Variants in MFSD2B observed in about 807,000 individuals in gnomAD.
MFSD2B encodes the protein sphingosine-1-phosphate transporter MFSD2B.
A neutral mutation model predicts 58.4 loss-of-function variants in MFSD2B; 56 were observed. That is an observed-to-expected ratio of 0.96 (90% CI 0.77 to 1.20). The LOEUF is 1.20. Ranked by LOEUF, MFSD2B falls within the 50% of genes most tolerant of loss-of-function variation. The pLI is 0.00. For missense variants in MFSD2B, 645 were observed against 667.6 expected, an observed-to-expected ratio of 0.97 and a Z score of 0.37; for synonymous variants, 287 against 294.4, an observed-to-expected ratio of 0.97 and a Z score of 0.26.
rs570226594 is a variant in MFSD2B at position 24,017,202 on chromosome 2, G to A, written c.472-84G>A. On this transcript the variant is annotated intron_variant, in intron 4 of 13. Transcript: ENST00000338315. The surrounding 1 kb of genome is among the most constrained non-coding windows in gnomAD (Gnocchi z 4.8). ...TATGTCACGTTGGCCTGTGGGTGTC[G>A]GGATGTGACACCCAGGATGGGGGAG... 1.9e-5 allele frequency: 27 copies of A among 1,406,134 alleles called. No individual in the cohort carries two copies. Among genetic ancestry groups the A allele is most frequent in the African/African-American group, 1.6e-4 (11 of 70,418 alleles). The allele number at this position is 1,406,134 out of a possible 1,614,324, so 87.1% of individuals were successfully genotyped here.
rs111365683 is a variant in MFSD2B at position 24,019,736 on chromosome 2, T to G, written c.682-1912T>G. Among the ~76,000 whole-genome samples the G allele has an allele frequency of 1.7e-3, 253 of 152,072 alleles. 2 individuals are homozygous for G. Among genetic ancestry groups the G allele is most frequent in the African/African-American group, 5.9e-3 (243 of 41,478 alleles). On this transcript the variant is annotated intron_variant, in intron 6 of 13. Transcript: ENST00000338315. ...GCCTATGTACTCTGCAAAATGAAAA[T>G]GAAGGGCCTTGGAAAGTCAATCTCC...
At chr2:24,016,617 C>T (rs1286116898) in intron 3 of MFSD2B, among the ~76,000 whole-genome samples, 3 of 152,182 alleles carry the variant, frequency 2.0e-5, no homozygotes. Flanking sequence ...GGGAAGGGCA[C>T]CAGCAGCGCT....
rs1709175082 is a variant in MFSD2B, at chr2:24,017,053, G to T, written c.471+85G>T. 1 of 1,530,778 alleles carries T rather than the reference G, an allele frequency of 6.5e-7. No homozygotes were observed. The highest frequency in any genetic ancestry group is 8.8e-7 in the Non-Finnish European group (1 of 1,135,112). 94.8% of individuals were successfully genotyped at this position (1,530,778 alleles called of 1,614,324 possible). A position where few individuals can be genotyped will look rare whatever the true frequency, so the allele number is the denominator to read the frequency against. ...CTCTGAAGTGTGCTGTGGGGGCAGG[G>T]CTGCCGCCCTCCCCACCCGCCTGTG... is the stretch of plus-strand genomic sequence containing the variant. On this transcript the variant is annotated intron_variant, in intron 4 of 13. Transcript: ENST00000338315. The surrounding 1 kb of genome is among the most constrained non-coding windows in gnomAD (Gnocchi z 4.8).
Position 24,017,562 on chromosome 2 carries a change from G to C in MFSD2B, c.655G>C (p.Gly219Arg). 6.4e-7 allele frequency: 1 copy of C among 1,562,566 alleles called. No homozygotes were observed. The highest frequency in any genetic ancestry group is 8.7e-7 in the Non-Finnish European group (1 of 1,153,704). ...PHRCEATATP[G>R]PVTVSPNAAH... ...CAGGTGCGAGGCCACTGCGACCCCG[G>C]GGCCAGTCACTGTCTCCCCGAATGC... The change falls in exon 6 of 14, where the codon GGG (glycine) becomes CGG (arginine). Residue 219 changes from glycine to arginine, a missense_variant. By Grantham distance (125) the Gly-to-Arg change is moderately radical. Coordinates refer to ENST00000338315, the MANE Select transcript of MFSD2B (RefSeq NM_001346880.2). The surrounding 1 kb of genome is among the most constrained non-coding windows in gnomAD (Gnocchi z 4.8).
chr2:24,025,764 T>C lies in MFSD2B; in HGVS notation c.*308T>C, dbSNP rs528386389. 4.8e-5 allele frequency: 16 copies of C among 333,316 alleles called. No individual in the cohort carries two copies. The allele number at this position is 333,316 out of a possible 1,614,324, so 20.6% of individuals were successfully genotyped here. A position where few individuals can be genotyped will look rare whatever the true frequency, so the allele number is the denominator to read the frequency against. On this transcript the variant is annotated 3_prime_UTR_variant, in exon 14 of 14. Coordinates refer to ENST00000338315, the MANE Select transcript of MFSD2B (RefSeq NM_001346880.2). ...TTGTGGACCAGTAATATCTGTGGCC[T>C]ACCACCCATTCAAGAAAACGTTACA...
Position 24,017,298 on chromosome 2 carries a change from C to G in MFSD2B, c.484C>G (p.Pro162Ala), listed in dbSNP as rs576242141. Residue 162 changes from proline (P) to alanine (A), a missense_variant, in exon 5 of 14, where the codon CCC becomes GCC. Physicochemically the swap from Pro to Ala is conservative, Grantham distance 27 (BLOSUM62 -1). Transcript: ENST00000338315. This position sits in a 1 kb window ranked among gnomAD's most constrained non-coding sequence, Gnocchi z 4.8. ...FQALATFFQVPYTALTMLLTP... is the reference protein window; with the variant it reads ...FQALATFFQVAYTALTMLLTP... ...GCCGACGCCCCAGTTCTTCCAGGTG[C>G]CCTACACAGCGCTCACCATGCTGCT... 5.6e-6 allele frequency: 9 copies of G among 1,602,276 alleles called. No homozygotes were observed. In the East Asian group the frequency reaches 2.0e-4, roughly 36 times the overall value.
At chr2:24,016,757 G>C in intron 3 of MFSD2B, 88 bp from the exon 4 acceptor site, 1 of 1,521,778 alleles carries the variant, frequency 6.6e-7, no homozygotes, top group Non-Finnish European at 8.8e-7. Flanking sequence ...TCAAGGGGCA[G>C]AGAAGGGGTG....
rs772480061 is a variant in MFSD2B, at chr2:24,023,733, C to T, written c.1313+7C>T. ...TCTCCACCCTCAGTCTGGAGTGAGT[C>T]CCAGGGTTAGGATACAGCAGAGGCA... On this transcript the variant is annotated splice_region_variant and intron_variant, in intron 12 of 13. Transcript: ENST00000338315. This position sits in a 1 kb window ranked among gnomAD's most constrained non-coding sequence, Gnocchi z 5.0. 1.2e-6 allele frequency: 2 copies of T among 1,613,422 alleles called. No homozygotes were observed. Among genetic ancestry groups the T allele is most frequent in the African/African-American group, 2.7e-5 (2 of 75,038 alleles).
At position 24,023,487 on chromosome 2, in the gene MFSD2B, T is replaced by G. The variant is rs576424255; in HGVS notation, c.1170-96T>G. On this transcript the variant is annotated intron_variant, in intron 11 of 13. Coordinates refer to ENST00000338315, the MANE Select transcript of MFSD2B (RefSeq NM_001346880.2). This position sits in a 1 kb window ranked among gnomAD's most constrained non-coding sequence, Gnocchi z 5.0. ...GCCAGTCTGGTCCTGGGCACAGAAC[T>G]CAGGGATGAATCCACTTTGGCCTCC... The G allele has an allele frequency of 2.1e-6, 3 of 1,424,000 alleles. No individual in the cohort carries two copies. Among genetic ancestry groups the G allele is most frequent in the South Asian group, 2.7e-5 (2 of 74,818 alleles). 88.2% of individuals were successfully genotyped at this position (1,424,000 alleles called of 1,614,324 possible).
Position 24,024,335 on chromosome 2 carries a change from C to T in MFSD2B, c.1490+64C>T. 6.8e-7 allele frequency: 1 copy of T among 1,476,152 alleles called. No homozygotes were observed. Among genetic ancestry groups the T allele is most frequent in the Non-Finnish European group, 9.2e-7 (1 of 1,092,694 alleles). The allele number at this position is 1,476,152 out of a possible 1,614,324, so 91.4% of individuals were successfully genotyped here. ...TGTGGGCTGCTGGGGGAATGACTAA[C>T]ACCAGCCTGCAGACATCCCTGCTGT... On this transcript the variant is annotated intron_variant, in intron 13 of 13. Transcript: ENST00000338315. This position sits in a 1 kb window ranked among gnomAD's most constrained non-coding sequence, Gnocchi z 4.3.
chr2:24,013,521 C>A, intron 2 of MFSD2B, 111 bp downstream of exon 2: 3 of 1,176,426 alleles, frequency 2.6e-6, no homozygotes, highest in Admixed American at 2.8e-5. Flanking sequence ...ACTTCTGACA[C>A]GAGCTCAACA....
At chr2:24,015,724 AAC>A (rs1327626757) in intron 2 of MFSD2B, among the ~76,000 whole-genome samples, 1 of 152,226 alleles carries the variant, frequency 6.6e-6, no homozygotes, top group South Asian at 2.1e-4. Flanking sequence ...TCCATTGTGA[AAC>A]ACAGTGTCCA....
rs1175103780 is a variant in MFSD2B at position 24,012,033 on chromosome 2, T to A, written c.97-1252T>A. On this transcript the variant is annotated intron_variant, in intron 1 of 13. Transcript: ENST00000338315. This position sits in a 1 kb window ranked among gnomAD's most constrained non-coding sequence, Gnocchi z 4.5. ...TGAAGGAGAGCTATTTGAGGTGAGG[T>A]GGGTAGGGGGCCGACTGGGTGGACT... Among the ~76,000 whole-genome samples, 3 of 151,680 alleles carry A rather than the reference T, an allele frequency of 2.0e-5. No homozygotes were observed. In the East Asian group the frequency reaches 5.8e-4, roughly 29 times the overall value.
rs750014041 is a variant in MFSD2B, at chr2:24,023,127, C to CAA, written c.1060-2_1060-1insAA. 7.1e-5 allele frequency: 115 copies of CAA among 1,610,254 alleles called. No homozygotes were observed. Among genetic ancestry groups the CAA allele is most frequent in the Non-Finnish European group, 9.5e-5 (112 of 1,178,758 alleles). On this transcript the variant is annotated splice_region_variant and splice_polypyrimidine_tract_variant and intron_variant, in intron 10 of 13. Coordinates refer to ENST00000338315, the MANE Select transcript of MFSD2B (RefSeq NM_001346880.2). This position sits in a 1 kb window ranked among gnomAD's most constrained non-coding sequence, Gnocchi z 5.0. ...GGGACAGCTGGTGTGTGTGTCTCCC[C>CAA]AGGCGATGGTGCCCTTTGCGATCTT...
chr2:24,010,284 CG>C (rs1330567209), intron 1 of MFSD2B, 92 bp downstream of exon 1: 1 of 1,042,330 alleles, frequency 9.6e-7, no homozygotes, highest in Admixed American at 4.3e-5. Context: ...GGGGGCAGCC[CG>C]GAGGGGCTCG....
chr2:24,014,990 A>G (rs1709087936), intron 2 of MFSD2B, among the ~76,000 whole-genome samples: 1 of 152,080 alleles, frequency 6.6e-6, no homozygotes, highest in Non-Finnish European at 1.5e-5. Flanking sequence ...GTGGTGGCAC[A>G]CGCCTGTAGT....
At chr2:24,013,620 C>T (rs371946899) in intron 2 of MFSD2B, among the ~76,000 whole-genome samples, 305 of 152,136 alleles carry the variant, frequency 2.0e-3, no homozygotes, top group Non-Finnish European at 3.7e-3. Context: ...TGTAGATCCC[C>T]GACAATATAG....
Position 24,024,175 on chromosome 2 carries a change from C to T in MFSD2B, c.1394C>T (p.Pro465Leu). The T allele has an allele frequency of 1.2e-6, 2 of 1,613,900 alleles. No homozygotes were observed. Among genetic ancestry groups the T allele is most frequent in the South Asian group, 2.2e-5 (2 of 91,068 alleles). Reference sequence around the variant, plus strand: ...CTCAAAGTCCTCATTGGCGCCGTGCCCACCTGCATGATCCTTGCTGGGCTC... The same window carrying T: ...CTCAAAGTCCTCATTGGCGCCGTGCTCACCTGCATGATCCTTGCTGGGCTC... ...VTLKVLIGAVPTCMILAGLCI... is the reference protein window; with the variant it reads ...VTLKVLIGAVLTCMILAGLCI... The change falls in exon 13 of 14, where the codon CCC (proline) becomes CTC (leucine). Residue 465 changes from proline to leucine, a missense_variant. Physicochemically the swap from Pro to Leu is moderately conservative, Grantham distance 98. Coordinates refer to ENST00000338315, the MANE Select transcript of MFSD2B (RefSeq NM_001346880.2). The surrounding 1 kb of genome is among the most constrained non-coding windows in gnomAD (Gnocchi z 4.3).
In MFSD2B at chr2:24,021,491, G is replaced by C; in HGVS notation, c.682-157G>C. The C allele has an allele frequency of 4.6e-6, 3 of 650,186 alleles. No individual in the cohort carries two copies. Among genetic ancestry groups the C allele is most frequent in the Non-Finnish European group, 8.3e-6 (3 of 362,192 alleles). 40.3% of individuals were successfully genotyped at this position (650,186 alleles called of 1,614,324 possible). On this transcript the variant is annotated intron_variant, in intron 6 of 13. Coordinates refer to ENST00000338315, the MANE Select transcript of MFSD2B (RefSeq NM_001346880.2). This position sits in a 1 kb window ranked among gnomAD's most constrained non-coding sequence, Gnocchi z 5.7. ...CCAGCCCGGGCCCGGAGAGCATGCT[G>C]TCCTGTGGGGTGATTGGGAGGTGGG... is the stretch of plus-strand genomic sequence containing the variant.
Sources: gnomAD v4.1 joint callset for allele counts (sites outside exome capture counted in the v4.1 genomes callset) on GRCh38, gnomAD v4.1.1 for gene constraint, Gnocchi (gnomAD v3.1) non-coding constraint, MANE v1.5 for transcripts, NCBI Gene and HGNC (gene_info 2026-07-23, HGNC 2026-07-21) for gene names.